The following CAMKMT variants were observed in gnomAD, a reference collection of about 807,000 sequenced individuals.
CAMKMT encodes calmodulin-lysine N-methyltransferase.
CAMKMT carries 53 observed loss-of-function variants against 48.0 expected under a neutral mutation model. The observed-to-expected ratio is 1.10, with a 90% CI of 0.89 to 1.39. The LOEUF is 1.39. CAMKMT is among the 40% of genes most tolerant of loss of function. The pLI, the probability that CAMKMT is intolerant of heterozygous loss-of-function variation, is 0.00. For synonymous variants in CAMKMT, 165 were observed against 152.3 expected (o/e 1.08, Z -0.61); for missense variants, 428 against 402.7 (o/e 1.06, Z -0.54).
intron 3 of CAMKMT, among the ~76,000 whole-genome samples, chr2:44,646,867 G>T (rs887855542): frequency 6.6e-6 from 1 of 152,094 alleles, no homozygotes; most frequent in Non-Finnish European, 1.5e-5. Flanking sequence ...AGTAAACGAT[G>T]GTTCATGTCT....
chr2:44,742,725 A>C (rs1260234411), intron 7 of CAMKMT, among the ~76,000 whole-genome samples: 2 of 152,224 alleles, frequency 1.3e-5, no homozygotes, highest in African/African-American at 4.8e-5. Context: ...TTATTATTAC[A>C]TTCAGACACA....
chr2:44,624,185 A>C (rs1300874504), intron 3 of CAMKMT, among the ~76,000 whole-genome samples: 1 of 152,206 alleles, frequency 6.6e-6, no homozygotes, highest in Non-Finnish European at 1.5e-5. Context: ...GGTTGTTTCC[A>C]GCTGGAAGCT....
intron 3 of CAMKMT, among the ~76,000 whole-genome samples, chr2:44,419,651 C>T (rs776614103): frequency 1.3e-5 from 2 of 152,210 alleles, no homozygotes; most frequent in African/African-American, 2.4e-5. Context: ...ACAGTCATCA[C>T]CGTAACCCTG....
chr2:44,460,811 T>C (rs1667810204), intron 3 of CAMKMT, among the ~76,000 whole-genome samples: 1 of 147,574 alleles, frequency 6.8e-6, no homozygotes, highest in Non-Finnish European at 1.5e-5. Flanking sequence ...CAACCTCCAC[T>C]TCCCAGGTTC....
intron 3 of CAMKMT, among the ~76,000 whole-genome samples, chr2:44,483,572 A>G (rs1217020034): frequency 6.6e-6 from 1 of 152,144 alleles, no homozygotes; most frequent in African/African-American, 2.4e-5. Context: ...AGACCATTGT[A>G]CTTCTAAAGT....
intron 3 of CAMKMT, among the ~76,000 whole-genome samples, chr2:44,520,987 C>A (rs558824037): frequency 6.6e-6 from 1 of 152,318 alleles, no homozygotes; most frequent in Admixed American, 6.5e-5. Context: ...AACCTCTTTT[C>A]TTTATAAATT....
intron 3 of CAMKMT, among the ~76,000 whole-genome samples, chr2:44,616,287 G>A: frequency 6.6e-6 from 1 of 152,294 alleles, no homozygotes. Context: ...CTGTTGCAAT[G>A]TATTTTTACA....
intron 3 of CAMKMT, among the ~76,000 whole-genome samples, chr2:44,645,987 C>T (rs1365566216): frequency 6.6e-6 from 1 of 152,192 alleles, no homozygotes; most frequent in East Asian, 1.9e-4. Context: ...AACATTATAG[C>T]AACACTTATG....
intron 3 of CAMKMT, among the ~76,000 whole-genome samples, chr2:44,404,290 G>A (rs1241390402): frequency 6.6e-6 from 1 of 151,906 alleles, no homozygotes; most frequent in Non-Finnish European, 1.5e-5. Context: ...TCATTACATG[G>A]CTTGTTTTCC....
intron 3 of CAMKMT, among the ~76,000 whole-genome samples, chr2:44,562,616 A>G (rs1046325645): frequency 1.3e-5 from 2 of 152,150 alleles, no homozygotes; most frequent in African/African-American, 2.4e-5. Context: ...GCTGGAGTGC[A>G]ATGACACAAT....
At chr2:44,550,168 G>A (rs145196646) in intron 3 of CAMKMT, among the ~76,000 whole-genome samples, 172 of 152,244 alleles carry the variant, frequency 1.1e-3, no homozygotes, top group African/African-American at 3.9e-3. Flanking sequence ...GGGAGGCTGA[G>A]GTGGGTGGAT....
intron 3 of CAMKMT, among the ~76,000 whole-genome samples, chr2:44,541,612 A>C (rs941738497): frequency 6.6e-6 from 1 of 152,072 alleles, no homozygotes; most frequent in African/African-American, 2.4e-5. Context: ...CTTGACAAAA[A>C]ATACAAAAAT....
chr2:44,541,909 A>T (rs1667128966), intron 3 of CAMKMT, among the ~76,000 whole-genome samples: 1 of 152,122 alleles, frequency 6.6e-6, no homozygotes. Flanking sequence ...CAGGCAGATC[A>T]CCTGCAGTCA....
At chr2:44,416,535 CT>C (rs562654637) in intron 3 of CAMKMT, among the ~76,000 whole-genome samples, 4 of 132,662 alleles carry the variant, frequency 3.0e-5, no homozygotes, top group Non-Finnish European at 4.9e-5. Flanking sequence ...TATATGTTCT[CT>C]TTTTTTTCCC....
At chr2:44,624,473 C>T (rs1227923534) in intron 3 of CAMKMT, among the ~76,000 whole-genome samples, 1 of 152,068 alleles carries the variant, frequency 6.6e-6, no homozygotes, top group Non-Finnish European at 1.5e-5. Flanking sequence ...GCTGTCCCTC[C>T]CCTGTGCCCC....
chr2:44,388,504 G>C (rs1264150804), intron 2 of CAMKMT, among the ~76,000 whole-genome samples: 2 of 151,992 alleles, frequency 1.3e-5, no homozygotes, highest in East Asian at 3.9e-4. Context: ...TTCTTTTTCA[G>C]GTAAATCAGG....
chr2:44,482,261 T>C (rs978640000), intron 3 of CAMKMT, among the ~76,000 whole-genome samples: 2 of 152,162 alleles, frequency 1.3e-5, no homozygotes, highest in Non-Finnish European at 2.9e-5. Flanking sequence ...TGAATTTTTC[T>C]GTTTAACCTA....
chr2:44,608,475 A>G (rs1397845088), intron 3 of CAMKMT, among the ~76,000 whole-genome samples: 1 of 152,230 alleles, frequency 6.6e-6, no homozygotes, highest in Non-Finnish European at 1.5e-5. Context: ...CATGTAATGT[A>G]TAGTAATCAG....
At chr2:44,672,320 G>T (rs995366882) in intron 3 of CAMKMT, among the ~76,000 whole-genome samples, 14 of 152,210 alleles carry the variant, frequency 9.2e-5, no homozygotes, top group Non-Finnish European at 1.5e-4. Context: ...ACTGAATGCG[G>T]CTCACAAGTG....
Sources: gnomAD v4.1 joint callset for allele counts (sites outside exome capture counted in the v4.1 genomes callset) on GRCh38, gnomAD v4.1.1 for gene constraint, MANE v1.5 for transcripts, NCBI Gene and HGNC (gene_info 2026-07-23, HGNC 2026-07-21) for gene names.